Variants in MYCBP2 observed in about 807,000 individuals in gnomAD.
The protein encoded by MYCBP2 is E3 ubiquitin-protein ligase MYCBP2.
A neutral mutation model predicts 525.3 loss-of-function variants in MYCBP2; 120 were observed. The ratio of observed to expected loss-of-function variants is 0.23; its 90% CI spans 0.20 to 0.27. MYCBP2 has a LOEUF of 0.27. Among genes scored for constraint, MYCBP2 ranks in the 10% least tolerant of loss-of-function variants. The pLI is 1.00. For missense variants in MYCBP2, 4,149 were observed against 5,657.1 expected (o/e 0.73, Z 8.55); for synonymous variants, 1,894 against 1,955.8 (o/e 0.97, Z 0.83).
In MYCBP2 at chr13:77,090,016, A is replaced by G; in HGVS notation, c.10525+90T>C. On this transcript the variant is annotated intron_variant, in intron 60 of 82. Transcript: ENST00000544440. ...TTATCCCATGCCTTTTCCTTCAAAA[A>G]TTAAATTTTAAAAATTATATGCAAA... is the stretch of plus-strand genomic sequence containing the variant. 2.6e-6 allele frequency: 3 copies of G among 1,167,246 alleles called. 1 individual carries two copies. In the South Asian group the frequency reaches 6.4e-5, roughly 25 times the overall value. The allele number at this position is 1,167,246 out of a possible 1,614,324, so 72.3% of individuals were successfully genotyped here.
At chr13:77,307,625 C>CAAA (rs763388200) in intron 1 of MYCBP2, among the ~76,000 whole-genome samples, 312 of 30,084 alleles carry the variant, frequency 0.01, 26 homozygotes, top group Admixed American at 0.044. Flanking sequence ...GACCCTGTCT[C>CAAA]AAAAAAAAAA....
intron 80 of MYCBP2, among the ~76,000 whole-genome samples, chr13:77,054,148 T>A (rs1190927206): frequency 6.6e-6 from 1 of 151,394 alleles, no homozygotes; most frequent in East Asian, 1.9e-4. Flanking sequence ...GTGTATGGGG[T>A]TGGGGGTGGC....
At position 77,209,676 on chromosome 13, in the gene MYCBP2, C is replaced by T. The variant is rs776565610; in HGVS notation, c.3416+1491G>A. On this transcript the variant is annotated intron_variant, in intron 23 of 82. Coordinates refer to ENST00000544440, the MANE Select transcript of MYCBP2 (RefSeq NM_015057.5). The stretch of plus-strand genomic sequence containing the variant: ...ACTCACCCATAGTCTCTTGTTATTT[C>T]ATCTACCCTGCACAATGCTGCCAGG... 2.0e-5 allele frequency among the ~76,000 whole-genome samples: 3 copies of T among 152,304 alleles called. No individual in the cohort carries two copies. In the East Asian group the frequency reaches 5.8e-4, roughly 29 times the overall value.
intron 55 of MYCBP2, among the ~76,000 whole-genome samples, chr13:77,108,559 A>G (rs1019012174): frequency 3.9e-5 from 6 of 152,190 alleles, no homozygotes; most frequent in African/African-American, 1.4e-4. Context: ...CAGAGAAATC[A>G]GACATTTTGA....
intron 1 of MYCBP2, among the ~76,000 whole-genome samples, chr13:77,310,253 T>C (rs1002235283): frequency 1.3e-5 from 2 of 152,260 alleles, no homozygotes; most frequent in Non-Finnish European, 2.9e-5. Flanking sequence ...CTCATTTTTA[T>C]GCACCCCGCT....
intron 55 of MYCBP2, among the ~76,000 whole-genome samples, chr13:77,108,123 T>C (rs1473874026): frequency 1.3e-5 from 2 of 152,164 alleles, no homozygotes; most frequent in Non-Finnish European, 2.9e-5. Context: ...AACAAGCTTT[T>C]TACTAGACTA....
intron 15 of MYCBP2, among the ~76,000 whole-genome samples, chr13:77,244,539 T>G (rs1050357161): frequency 6.6e-6 from 1 of 152,162 alleles, no homozygotes; most frequent in Non-Finnish European, 1.5e-5. Context: ...GATTTAAACA[T>G]AAGACCTAAG....
Position 77,214,642 on chromosome 13 carries a change from T to A in MYCBP2, c.3058-2482A>T, listed in dbSNP as rs552642846. 1.5e-4 allele frequency among the ~76,000 whole-genome samples: 23 copies of A among 152,286 alleles called. No homozygotes were observed. The South Asian group carries it at 4.8e-3, about 32-fold the overall frequency. On this transcript the variant is annotated intron_variant, in intron 21 of 82. Coordinates refer to ENST00000544440, the MANE Select transcript of MYCBP2 (RefSeq NM_015057.5). ...GGGATATGTTCTGAAATATGTGTCA[T>A]TAGGTGATTCTGTGATGCTGCGAAC...
At chr13:77,126,240 A>G in intron 53 of MYCBP2, 78 bp downstream of exon 53, 5 of 1,239,302 alleles carry the variant, frequency 4.0e-6, no homozygotes, top group Non-Finnish European at 4.5e-6. Flanking sequence ...AGAAATGGCA[A>G]CCTTTAGAAG....
chr13:77,045,335 A>G lies in MYCBP2; in HGVS notation c.*43T>C. On this transcript the variant is annotated 3_prime_UTR_variant, in exon 83 of 83. Coordinates refer to ENST00000544440, the MANE Select transcript of MYCBP2 (RefSeq NM_015057.5). ...AAACTTCACCGCATCCTCTTGGGGG[A>G]TGAAGGCAATTTTTCTCTCTGTAGA... 1.4e-6 allele frequency: 2 copies of G among 1,439,760 alleles called. No individual in the cohort carries two copies. The highest frequency in any genetic ancestry group is 2.0e-6 in the Non-Finnish European group (2 of 1,025,440). The allele number at this position is 1,439,760 out of a possible 1,614,324, so 89.2% of individuals were successfully genotyped here.
At chr13:77,169,876 A>G (rs1237833162) in intron 38 of MYCBP2, among the ~76,000 whole-genome samples, 162 bp from the exon 39 acceptor site, 1 of 152,220 alleles carries the variant, frequency 6.6e-6, no homozygotes, top group Non-Finnish European at 1.5e-5. Flanking sequence ...AAGGCTTTTG[A>G]GAATACATGC....
chr13:77,122,347 A>T (rs904360099), intron 54 of MYCBP2, among the ~76,000 whole-genome samples: 5 of 152,184 alleles, frequency 3.3e-5, no homozygotes, highest in African/African-American at 9.6e-5. Flanking sequence ...TATCTCAAGT[A>T]TATTTTTAAA....
intron 4 of MYCBP2, among the ~76,000 whole-genome samples, chr13:77,275,285 A>G (rs1348562188): frequency 6.6e-6 from 1 of 152,208 alleles, no homozygotes; most frequent in Non-Finnish European, 1.5e-5. Flanking sequence ...TAGCCCACTA[A>G]TCAAATTCTT....
intron 26 of MYCBP2, among the ~76,000 whole-genome samples, chr13:77,204,854 C>T (rs1252572171): frequency 2.4e-5 from 3 of 126,986 alleles, no homozygotes; most frequent in African/African-American, 9.0e-5. Flanking sequence ...ACAATGAGAA[C>T]ACATGGACAC....
chr13:77,161,823 G>A, intron 44 of MYCBP2, 83 bp downstream of exon 44: 1 of 1,061,844 alleles, frequency 9.4e-7, no homozygotes, highest in Non-Finnish European at 1.4e-6. Flanking sequence ...GAACCCAATG[G>A]TCAAGACAAA....
chr13:77,133,436 C>A (rs562501791), intron 52 of MYCBP2, among the ~76,000 whole-genome samples: 40 of 152,226 alleles, frequency 2.6e-4, no homozygotes, highest in African/African-American at 9.1e-4. Flanking sequence ...CTACTATGAG[C>A]AAAGTGTAAT....
chr13:77,116,660 G>A (rs959234350), intron 55 of MYCBP2, among the ~76,000 whole-genome samples: 1 of 151,948 alleles, frequency 6.6e-6, no homozygotes, highest in Non-Finnish European at 1.5e-5. Flanking sequence ...TTGAAACATA[G>A]CTAAGCCATG....
Position 77,045,330 on chromosome 13 carries a change from G to T in MYCBP2, c.*48C>A. 1.5e-6 allele frequency: 2 copies of T among 1,323,708 alleles called. No homozygotes were observed. The highest frequency in any genetic ancestry group is 1.2e-5 in the South Asian group (1 of 83,630). 82.0% of individuals were successfully genotyped at this position (1,323,708 alleles called of 1,614,324 possible). On this transcript the variant is annotated 3_prime_UTR_variant, in exon 83 of 83. Coordinates refer to ENST00000544440, the MANE Select transcript of MYCBP2 (RefSeq NM_015057.5). ...AGTTTAAACTTCACCGCATCCTCTT[G>T]GGGGATGAAGGCAATTTTTCTCTCT... is the stretch of plus-strand genomic sequence containing the variant.
intron 1 of MYCBP2, among the ~76,000 whole-genome samples, chr13:77,306,382 TAAGA>T (rs2079419033): frequency 6.6e-6 from 1 of 152,204 alleles, no homozygotes; most frequent in Non-Finnish European, 1.5e-5. Flanking sequence ...TAATTAGTAA[TAAGA>T]AAGAGATTTT....
Sources: gnomAD v4.1 joint callset for allele counts (sites outside exome capture counted in the v4.1 genomes callset) on GRCh38, gnomAD v4.1.1 for gene constraint, MANE v1.5 for transcripts, NCBI Gene and HGNC (gene_info 2026-07-23, HGNC 2026-07-21) for gene names.